Variants in XKR9 observed in about 807,000 individuals in gnomAD.
XKR9 encodes XK-related protein 9.
Under a neutral mutation model 32.0 loss-of-function variants are expected in XKR9, and 32 were observed. That is an observed-to-expected ratio of 1.00 (90% CI 0.76 to 1.34). The LOEUF (loss-of-function observed/expected upper bound fraction) is 1.34. XKR9 is among the 40% of genes most tolerant of loss of function. The pLI, the probability that XKR9 is intolerant of heterozygous loss-of-function variation, is 0.00. For missense variants in XKR9, 546 were observed against 429.7 expected (o/e 1.27, Z -2.39); for synonymous variants, 168 against 143.4 (o/e 1.17, Z -1.22).
chr8:70,952,869 C>G, the XKR9 span, among the ~76,000 whole-genome samples: 1 of 152,230 alleles, frequency 6.6e-6, no homozygotes, highest in Non-Finnish European at 1.5e-5. Flanking sequence ...TCTTTGGTTA[C>G]TGATCTACAG....
chr8:70,931,126 T>C, the XKR9 span, among the ~76,000 whole-genome samples: 817 of 149,586 alleles, frequency 5.5e-3, 11 homozygotes, highest in African/African-American at 0.02. Context: ...TGAAGAAGTT[T>C]GAAATCTGTT....
At chr8:70,685,994 C>T (rs1009621405) in intron 3 of XKR9, among the ~76,000 whole-genome samples, 1 of 151,496 alleles carries the variant, frequency 6.6e-6, no homozygotes, top group African/African-American at 2.4e-5. Context: ...CAGTGCTCTT[C>T]CTTTCTTTAT....
chr8:70,845,719 C>G, the XKR9 span, among the ~76,000 whole-genome samples: 1 of 152,010 alleles, frequency 6.6e-6, no homozygotes, highest in Non-Finnish European at 1.5e-5. Context: ...AAAGATAGGT[C>G]TTTCCTTTGA....
chr8:70,686,677 C>T (rs193211111), intron 3 of XKR9, among the ~76,000 whole-genome samples: 1 of 152,104 alleles, frequency 6.6e-6, no homozygotes, highest in African/African-American at 2.4e-5. Context: ...CTTTTAGGCT[C>T]AAGTGATCCG....
At chr8:71,021,173 A>G in the XKR9 span, among the ~76,000 whole-genome samples, 1 of 151,552 alleles carries the variant, frequency 6.6e-6, no homozygotes. Flanking sequence ...TTCATTCACC[A>G]CTCCCCTTCC....
chr8:70,697,214 C>T (rs1047647364), intron 3 of XKR9, among the ~76,000 whole-genome samples: 1 of 151,642 alleles, frequency 6.6e-6, no homozygotes, highest in Non-Finnish European at 1.5e-5. Context: ...GAACTTCCAA[C>T]ACTATGTTGA....
At chr8:70,860,811 G>A in the XKR9 span, among the ~76,000 whole-genome samples, 1 of 151,998 alleles carries the variant, frequency 6.6e-6, no homozygotes, top group Non-Finnish European at 1.5e-5. Context: ...ACTTGGTTGT[G>A]TGACCTGTGC....
the XKR9 span, among the ~76,000 whole-genome samples, chr8:71,048,093 G>A: frequency 6.6e-6 from 1 of 152,110 alleles, no homozygotes; most frequent in Non-Finnish European, 1.5e-5. Flanking sequence ...CCGTGTGTGA[G>A]GGAGTGACTG....
downstream of XKR9, among the ~76,000 whole-genome samples, chr8:70,793,976 A>C (rs1406356324): frequency 6.6e-6 from 1 of 152,114 alleles, no homozygotes; most frequent in Non-Finnish European, 1.5e-5. Flanking sequence ...AAATCCATGA[A>C]CACAGGATAT....
chr8:70,794,713 G>A (rs978606810), downstream of XKR9, among the ~76,000 whole-genome samples: 3 of 151,614 alleles, frequency 2.0e-5, no homozygotes, highest in Non-Finnish European at 4.4e-5. Context: ...CTTATTCCAG[G>A]TGTCTTATAT....
chr8:70,977,845 TCCC>T, the XKR9 span, among the ~76,000 whole-genome samples: 1 of 152,226 alleles, frequency 6.6e-6, no homozygotes, highest in Non-Finnish European at 1.5e-5. Context: ...TGTTAAAGTC[TCCC>T]ATTTTTATTG....
downstream of XKR9, among the ~76,000 whole-genome samples, chr8:70,736,103 C>T (rs1165184781): frequency 2.0e-5 from 3 of 152,158 alleles, no homozygotes; most frequent in Non-Finnish European, 4.4e-5. Flanking sequence ...GTTCCTATTT[C>T]TCCACATCCT....
the XKR9 span, among the ~76,000 whole-genome samples, chr8:70,816,153 A>T: frequency 6.6e-6 from 1 of 152,176 alleles, no homozygotes; most frequent in Non-Finnish European, 1.5e-5. Flanking sequence ...AGACACACAG[A>T]TAAATGGAGA....
the XKR9 span, among the ~76,000 whole-genome samples, chr8:70,817,590 T>C: frequency 6.6e-6 from 1 of 152,114 alleles, no homozygotes; most frequent in Non-Finnish European, 1.5e-5. Flanking sequence ...CCTATCAAAC[T>C]ACCAATGTCA....
the XKR9 span, among the ~76,000 whole-genome samples, chr8:70,898,137 C>G: frequency 3.7e-3 from 560 of 152,184 alleles, 3 homozygotes; most frequent in African/African-American, 0.013. Flanking sequence ...TATGGATATC[C>G]AGTTTTCCCA....
the XKR9 span, among the ~76,000 whole-genome samples, chr8:71,047,112 A>C: frequency 6.6e-6 from 1 of 152,232 alleles, no homozygotes; most frequent in South Asian, 2.1e-4. Context: ...CAAACAAATG[A>C]AAAAGCTTTA....
At chr8:70,740,131 A>T (rs1208139156), downstream of XKR9, among the ~76,000 whole-genome samples, 2 of 152,044 alleles carry the variant, frequency 1.3e-5, no homozygotes, top group African/African-American at 4.8e-5. Context: ...TGGTCTTTTC[A>T]CATAGTCCCA....
At chr8:70,950,858 G>A in the XKR9 span, among the ~76,000 whole-genome samples, 2 of 152,012 alleles carry the variant, frequency 1.3e-5, no homozygotes, top group Non-Finnish European at 2.9e-5. Context: ...ATTTTTAGTA[G>A]AGATGGAGTT....
At chr8:70,856,458 A>C in the XKR9 span, among the ~76,000 whole-genome samples, 317 of 152,224 alleles carry the variant, frequency 2.1e-3, 3 homozygotes, top group Non-Finnish European at 2.8e-3. Flanking sequence ...TACAGGAGCA[A>C]CCAGATTCAT....
Sources: allele counts gnomAD v4.1 joint callset (sites outside exome capture counted in the v4.1 genomes callset), GRCh38; gene constraint gnomAD v4.1.1; transcripts MANE v1.5; gene names NCBI Gene and HGNC (gene_info 2026-07-23, HGNC 2026-07-21).